XKR6: variants seen among roughly 807,000 people sequenced by gnomAD.
XKR6 encodes XK-related protein 6.
A neutral mutation model predicts 56.7 loss-of-function variants in XKR6; 22 were observed. That is an observed-to-expected ratio of 0.39 (90% confidence interval 0.28 to 0.55). The LOEUF (loss-of-function observed/expected upper bound fraction) is 0.55. XKR6 is among the 20% of genes least tolerant of loss of function. The pLI is 0.66. For synonymous variants in XKR6, 524 were observed against 387.8 expected (o/e 1.35, Z -4.13); for missense variants, 852 against 889.0 (o/e 0.96, Z 0.53).
At chr8:11,198,305 A>T (rs951675178) in intron 1 of XKR6, among the ~76,000 whole-genome samples, 3 of 152,170 alleles carry the variant, frequency 2.0e-5, no homozygotes, top group South Asian at 2.1e-4. Flanking sequence ...GGGAAAAAAA[A>T]TTTTTTTAAT....
intron 1 of XKR6, among the ~76,000 whole-genome samples, chr8:11,118,846 G>A (rs1799304365): frequency 6.6e-6 from 1 of 152,148 alleles, no homozygotes; most frequent in Non-Finnish European, 1.5e-5. Context: ...CTTGCCTTCT[G>A]TTAGCTTTTG....
At chr8:10,999,173 C>A (rs1376153062) in intron 1 of XKR6, among the ~76,000 whole-genome samples, 4 of 152,152 alleles carry the variant, frequency 2.6e-5, no homozygotes, top group African/African-American at 4.8e-5. Flanking sequence ...TCCTAAGGAC[C>A]CACTATGTGT....
chr8:11,024,204 GGTGT>G (rs61021720), intron 1 of XKR6, among the ~76,000 whole-genome samples: 7,758 of 136,640 alleles, frequency 0.057, 262 homozygotes, highest in African/African-American at 0.11. Context: ...CCTGTTAGGA[GGTGT>G]GTGTGTGTGT....
intron 1 of XKR6, among the ~76,000 whole-genome samples, chr8:11,012,635 G>C (rs1417032262): frequency 1.4e-5 from 2 of 140,386 alleles, no homozygotes; most frequent in Non-Finnish European, 3.1e-5. Flanking sequence ...CCTCCCCCTA[G>C]CTTGCAGGCC....
intron 1 of XKR6, among the ~76,000 whole-genome samples, chr8:11,095,007 T>G (rs544357885): frequency 5.9e-5 from 9 of 152,274 alleles, no homozygotes; most frequent in Admixed American, 4.6e-4. Context: ...GTAACAAACC[T>G]GCACATCCTG....
At chr8:10,923,083 G>T (rs576597452) in intron 2 of XKR6, among the ~76,000 whole-genome samples, 1 of 152,344 alleles carries the variant, frequency 6.6e-6, no homozygotes, top group Non-Finnish European at 1.5e-5. Context: ...CCCACTGGCA[G>T]CACCTGCTGA....
chr8:11,020,108 G>T (rs774233082), intron 1 of XKR6, among the ~76,000 whole-genome samples: 1 of 151,428 alleles, frequency 6.6e-6, no homozygotes, highest in Non-Finnish European at 1.5e-5. Flanking sequence ...CCCTTTCCCT[G>T]TCTGTGAAGT....
intron 1 of XKR6, among the ~76,000 whole-genome samples, chr8:11,179,208 G>A (rs946365843): frequency 1.3e-5 from 2 of 151,952 alleles, no homozygotes; most frequent in African/African-American, 4.8e-5. Flanking sequence ...CACCAAACGA[G>A]TATAGTCACC....
chr8:11,128,041 A>T (rs1318294189), intron 1 of XKR6, among the ~76,000 whole-genome samples: 1 of 152,232 alleles, frequency 6.6e-6, no homozygotes, highest in African/African-American at 2.4e-5. Flanking sequence ...AGTGGAGGGT[A>T]AAAAATAGAA....
At chr8:11,110,170 AC>A (rs1217897036) in intron 1 of XKR6, among the ~76,000 whole-genome samples, 1 of 152,044 alleles carries the variant, frequency 6.6e-6, no homozygotes, top group Non-Finnish European at 1.5e-5. Context: ...ATGGGGTTTT[AC>A]CATGTTGGCC....
chr8:11,101,009 G>T (rs1337281126), intron 1 of XKR6, among the ~76,000 whole-genome samples: 3 of 152,158 alleles, frequency 2.0e-5, no homozygotes, highest in Non-Finnish European at 4.4e-5. Flanking sequence ...TACCCACCCT[G>T]CAGTGGTACC....
rs759999229 is a variant in XKR6, at chr8:11,201,217, G to T, written c.123C>A (p.Gly41=). 21 of 1,535,634 alleles carry T rather than the reference G, an allele frequency of 1.4e-5. No homozygotes were observed. The East Asian group carries it at 4.9e-4, about 36-fold the overall frequency. The change falls in exon 1 of 3, where the codon GGC becomes GGA. Residue 41 remains glycine (G), a synonymous_variant. Transcript: ENST00000416569. ...CGCCGGGCTCGCTGCCGTCGCCGCC[G>T]CCGCCGCAGCCGCCTCCCCCGGGCT... is the stretch of plus-strand genomic sequence containing the variant. ...DGEPGGGGCG[G]GGDGSEPGES...
chr8:11,168,803 C>T (rs73530550), intron 1 of XKR6, among the ~76,000 whole-genome samples: 8,558 of 152,260 alleles, frequency 0.056, 540 homozygotes, highest in African/African-American at 0.16. Context: ...GCACAAACAT[C>T]CAGCCCACTC....
rs985053213 is a variant in XKR6, at chr8:11,201,456, G to A, written c.-117C>T. Reference sequence around the variant, plus strand: ...GGAGAGGAAGGGGGGCGGGGAGGAAGCGGGGGAGCAAACGAACGAGGGGGG... The same window carrying A: ...GGAGAGGAAGGGGGGCGGGGAGGAAACGGGGGAGCAAACGAACGAGGGGGG... On this transcript the variant is annotated 5_prime_UTR_variant, in exon 1 of 3. Transcript: ENST00000416569. 32 of 492,594 alleles carry A rather than the reference G, an allele frequency of 6.5e-5. No homozygotes were observed. In the South Asian group the frequency reaches 6.6e-4, roughly 10 times the overall value. The allele number at this position is 492,594 out of a possible 1,614,324, so 30.5% of individuals were successfully genotyped here.
At chr8:11,082,213 G>A (rs559778958) in intron 1 of XKR6, among the ~76,000 whole-genome samples, 1 of 152,294 alleles carries the variant, frequency 6.6e-6, no homozygotes, top group Admixed American at 6.5e-5. Flanking sequence ...TTGTTCGGGG[G>A]GCATCTCTGA....
intron 1 of XKR6, among the ~76,000 whole-genome samples, chr8:11,095,719 T>C (rs1031683313): frequency 1.3e-5 from 2 of 152,190 alleles, no homozygotes; most frequent in African/African-American, 4.8e-5. Flanking sequence ...TTATGGAAGG[T>C]CTTTTTCAAA....
chr8:11,075,186 G>A (rs966982824), intron 1 of XKR6, among the ~76,000 whole-genome samples: 3 of 152,182 alleles, frequency 2.0e-5, no homozygotes, highest in South Asian at 2.1e-4. Context: ...GAAAAAAAGG[G>A]TGGTTGTCTA....
chr8:11,168,691 T>C (rs1243921325), intron 1 of XKR6, among the ~76,000 whole-genome samples: 3 of 152,176 alleles, frequency 2.0e-5, no homozygotes, highest in South Asian at 2.1e-4. Flanking sequence ...ATACAAAGTA[T>C]TGATAGAGAA....
chr8:11,172,606 T>G (rs940902785), intron 1 of XKR6, among the ~76,000 whole-genome samples: 2 of 152,192 alleles, frequency 1.3e-5, no homozygotes, highest in African/African-American at 4.8e-5. Context: ...CACCCAGGCC[T>G]GCTCCCAAAT....
Sources: gnomAD v4.1 joint callset for allele counts (sites outside exome capture counted in the v4.1 genomes callset) on GRCh38, gnomAD v4.1.1 for gene constraint, MANE v1.5 for transcripts, NCBI Gene and HGNC (gene_info 2026-07-23, HGNC 2026-07-21) for gene names.